Variants in C3orf85 observed in about 807,000 individuals in gnomAD.
C3orf85 encodes chromosome 3 open reading frame 85, also known as uncharacterized protein C3orf85.
C3orf85 carries 1 observed loss-of-function variant against 1.7 expected under a neutral mutation model. That is an observed-to-expected ratio of 0.60 (90% CI 0.21 to 2.86). C3orf85 has a LOEUF of 2.86. Among genes scored for constraint, C3orf85 ranks in the 30% most tolerant of loss-of-function variants. C3orf85 has a pLI of 0.22. For missense variants in C3orf85, 29 were observed against 21.3 expected (o/e 1.36, Z -0.72); for synonymous variants, 17 against 8.0 (o/e 2.13, Z -1.90).
chr3:109,141,746 T>G (rs1049218324), intron 2 of C3orf85, among the ~76,000 whole-genome samples: 1 of 152,100 alleles, frequency 6.6e-6, no homozygotes, highest in East Asian at 1.9e-4. Context: ...AATTACTTAC[T>G]TAGTGGGGCG....
intron 2 of C3orf85, among the ~76,000 whole-genome samples, chr3:109,142,468 T>G (rs1361518780): frequency 6.6e-6 from 1 of 152,160 alleles, no homozygotes; most frequent in Non-Finnish European, 1.5e-5. Context: ...CCATCTCTAG[T>G]AGCAGGTATC....
intron 2 of C3orf85, among the ~76,000 whole-genome samples, chr3:109,137,163 C>T (rs976826510): frequency 2.0e-5 from 3 of 151,840 alleles, no homozygotes; most frequent in Admixed American, 2.0e-4. Context: ...CTGCTGCCTC[C>T]AAATAAGTGC....
At chr3:109,144,420 T>C (rs1706773608) in intron 2 of C3orf85, among the ~76,000 whole-genome samples, 1 of 152,206 alleles carries the variant, frequency 6.6e-6, no homozygotes, top group South Asian at 2.1e-4. Context: ...TAAATACTAG[T>C]TTCTGTCTCT....
intron 2 of C3orf85, among the ~76,000 whole-genome samples, chr3:109,143,098 ACT>A (rs1438922903): frequency 1.3e-5 from 2 of 152,200 alleles, no homozygotes; most frequent in Non-Finnish European, 2.9e-5. Flanking sequence ...TAAGTGAAGC[ACT>A]GCCCCTTCCC....
At chr3:109,142,098 T>C (rs1020622501) in intron 2 of C3orf85, among the ~76,000 whole-genome samples, 1 of 152,204 alleles carries the variant, frequency 6.6e-6, no homozygotes, top group Non-Finnish European at 1.5e-5. Context: ...ATGAGTATTT[T>C]AGTCTCTCAC....
intron 2 of C3orf85, among the ~76,000 whole-genome samples, chr3:109,146,609 C>T (rs960213221): frequency 6.6e-6 from 1 of 152,118 alleles, no homozygotes; most frequent in Non-Finnish European, 1.5e-5. Flanking sequence ...TAGTGGGAGG[C>T]ATCATTTCCT....
Position 109,150,662 on chromosome 3 carries a change from T to C in C3orf85, c.*768T>C, listed in dbSNP as rs1706859255. 6.6e-6 allele frequency: 1 copy of C among 152,142 alleles called. No homozygotes were observed. The highest frequency in any genetic ancestry group is 6.5e-5 in the Admixed American group (1 of 15,270). The allele number at this position is 152,142 out of a possible 1,614,324, so 9.4% of individuals were successfully genotyped here. A position where few individuals can be genotyped will look rare whatever the true frequency, so the allele number is the denominator to read the frequency against. On this transcript the variant is annotated 3_prime_UTR_variant, in exon 4 of 4. Coordinates refer to ENST00000622536, the MANE Select transcript of C3orf85 (RefSeq NM_001351622.2). ...AGTGGACTGCATTTATCCTATAACTTTCCTAATATTCATGGATTACCACCT... is the reference window on the plus strand; with the variant it reads ...AGTGGACTGCATTTATCCTATAACTCTCCTAATATTCATGGATTACCACCT...
rs145575794 is a variant in C3orf85, at chr3:109,148,480, C to A, written c.183+94C>A. On this transcript the variant is annotated intron_variant, in intron 3 of 3. Coordinates refer to ENST00000622536, the MANE Select transcript of C3orf85 (RefSeq NM_001351622.2). ...ACTAATTAACACATGACTAGCCTAG[C>A]CCTGATTTTTCCTCTCTAGACACTC... 9.3e-5 allele frequency: 64 copies of A among 691,806 alleles called. No homozygotes were observed. The African/African-American group carries it at 1.0e-3, about 11-fold the overall frequency. The allele number at this position is 691,806 out of a possible 1,614,324, so 42.9% of individuals were successfully genotyped here.
At chr3:109,146,957 A>G (rs1422471263) in intron 2 of C3orf85, among the ~76,000 whole-genome samples, 1 of 152,188 alleles carries the variant, frequency 6.6e-6, no homozygotes, top group Non-Finnish European at 1.5e-5. Flanking sequence ...GGCATCTGTC[A>G]CTAATACCTC....
chr3:109,138,204 A>G (rs1017055216), intron 2 of C3orf85, among the ~76,000 whole-genome samples: 2 of 152,152 alleles, frequency 1.3e-5, no homozygotes, highest in Non-Finnish European at 2.9e-5. Context: ...GATTGACTTG[A>G]CTCTAAAAAA....
At chr3:109,138,047 A>T (rs1706700502) in intron 2 of C3orf85, among the ~76,000 whole-genome samples, 1 of 152,182 alleles carries the variant, frequency 6.6e-6, no homozygotes, top group South Asian at 2.1e-4. Context: ...TCACCTATGA[A>T]TGCTTCAGGG....
intron 2 of C3orf85, among the ~76,000 whole-genome samples, chr3:109,143,712 C>T (rs1175169231): frequency 6.6e-6 from 1 of 152,072 alleles, no homozygotes; most frequent in Non-Finnish European, 1.5e-5. Context: ...CTGGAAAAGA[C>T]CTTAGTGGTT....
chr3:109,143,701 G>T (rs1298249297), intron 2 of C3orf85, among the ~76,000 whole-genome samples: 3 of 152,182 alleles, frequency 2.0e-5, no homozygotes, highest in Non-Finnish European at 2.9e-5. Context: ...AAATATTAGA[G>T]CTGGAAAAGA....
chr3:109,141,284 G>C (rs1019473424), intron 2 of C3orf85, among the ~76,000 whole-genome samples: 1 of 152,074 alleles, frequency 6.6e-6, no homozygotes, highest in African/African-American at 2.4e-5. Context: ...ACCCCACCTC[G>C]GCCCCTGTTA....
rs905956347 is a variant in C3orf85 at position 109,149,816 on chromosome 3, A to C, written c.195A>C (p.Thr65=). The change falls in exon 4 of 4, where the codon ACA becomes ACC. Residue 65 remains threonine, a synonymous_variant. Transcript: ENST00000622536. ...VNTLAKQARE[T]WIALKTTAQY... is the part of the protein sequence containing the mutation. ...TCCTTTTCTTGAAGGCTCGTGAAAC[A>C]TGGATTGCTTTGAAAACAACAGCAC... is the stretch of plus-strand genomic sequence containing the variant. The C allele has an allele frequency of 3.3e-5, 13 of 398,422 alleles. No homozygotes were observed. Among genetic ancestry groups the C allele is most frequent in the Non-Finnish European group, 5.3e-5 (12 of 225,660 alleles). 24.7% of individuals were successfully genotyped at this position (398,422 alleles called of 1,614,324 possible).
chr3:109,148,306 C>G lies in C3orf85; in HGVS notation c.103C>G (p.Leu35Val). ...LEDPANQFLR[L>V]KRHVNLQDYW... ...AGACCCTGCAAACCAGTTCCTACGT[C>G]TCAAAAGACATGTAAATTTGCAGGA... Residue 35 changes from leucine to valine, a missense_variant, in exon 3 of 4, where the codon CTC becomes GTC. Physicochemically the swap from Leu to Val is conservative, Grantham distance 32. Transcript: ENST00000622536. The G allele has an allele frequency of 1.4e-6, 1 of 702,740 alleles. No homozygotes were observed. The highest frequency in any genetic ancestry group is 2.6e-6 in the Non-Finnish European group (1 of 384,798). The allele number at this position is 702,740 out of a possible 1,614,324, so 43.5% of individuals were successfully genotyped here. A position where few individuals can be genotyped will look rare whatever the true frequency, so the allele number is the denominator to read the frequency against.
chr3:109,139,126 ACAGT>A (rs1428232050), intron 2 of C3orf85, among the ~76,000 whole-genome samples: 1 of 152,220 alleles, frequency 6.6e-6, no homozygotes, highest in South Asian at 2.1e-4. Context: ...ACCAAGCTAC[ACAGT>A]CAATCAATGG....
At chr3:109,141,574 G>GTC (rs146424002) in intron 2 of C3orf85, among the ~76,000 whole-genome samples, 5,041 of 151,006 alleles carry the variant, frequency 0.033, 261 homozygotes, top group African/African-American at 0.11. Context: ...TCCATTATCT[G>GTC]TCTCTCTCTC....
chr3:109,147,853 A>C (rs1027364246), intron 2 of C3orf85, among the ~76,000 whole-genome samples: 4 of 152,212 alleles, frequency 2.6e-5, no homozygotes, highest in Non-Finnish European at 5.9e-5. Flanking sequence ...CAATTTATCC[A>C]GTCCTTACAG....
Sources: gnomAD v4.1 joint callset for allele counts (sites outside exome capture counted in the v4.1 genomes callset) on GRCh38, gnomAD v4.1.1 for gene constraint, MANE v1.5 for transcripts, NCBI Gene and HGNC (gene_info 2026-07-23, HGNC 2026-07-21) for gene names.